The following AUTS2 variants were observed in gnomAD, a reference collection of about 807,000 sequenced individuals.
AUTS2 encodes autism susceptibility gene 2 protein.
Under a neutral mutation model 112.4 loss-of-function variants are expected in AUTS2, and 17 were observed. The observed-to-expected ratio is 0.15, with a 90% CI of 0.10 to 0.23. The LOEUF (loss-of-function observed/expected upper bound fraction) is 0.23, where lower values mean the gene tolerates loss of function less well. AUTS2 is among the 10% of genes least tolerant of loss of function. The probability of loss-of-function intolerance (pLI) is 1.00; values close to 1 mark genes in which losing one functional copy is unlikely to be tolerated. For missense variants in AUTS2, 1,510 were observed against 1,701.6 expected (o/e 0.89, Z 1.98); for synonymous variants, 751 against 702.7 (o/e 1.07, Z -1.09).
intron 6 of AUTS2, among the ~76,000 whole-genome samples, chr7:70,742,813 G>A (rs1236444078): frequency 6.6e-6 from 1 of 152,012 alleles, no homozygotes; most frequent in Non-Finnish European, 1.5e-5. Flanking sequence ...ATTTGATGAT[G>A]GCTTTAACTG....
At chr7:69,900,128 A>G (rs899862385) in intron 2 of AUTS2, among the ~76,000 whole-genome samples, 3 of 152,230 alleles carry the variant, frequency 2.0e-5, no homozygotes, top group Non-Finnish European at 4.4e-5. Context: ...ACAAGAAAGT[A>G]TGGCTCTTGG....
intron 5 of AUTS2, among the ~76,000 whole-genome samples, chr7:70,614,992 C>T (rs1180299544): frequency 1.1e-4 from 16 of 152,184 alleles, no homozygotes; most frequent in Admixed American, 1.0e-3. Context: ...ACAGCTTGGA[C>T]GGTGTGGCTC....
chr7:70,230,207 C>A (rs932522529), intron 4 of AUTS2, among the ~76,000 whole-genome samples: 4 of 152,084 alleles, frequency 2.6e-5, no homozygotes, highest in Non-Finnish European at 5.9e-5. Context: ...ATTTCCCCAT[C>A]TCTTCCCTCA....
chr7:70,670,594 G>A (rs973828394), intron 5 of AUTS2, among the ~76,000 whole-genome samples: 8 of 152,126 alleles, frequency 5.3e-5, no homozygotes, highest in African/African-American at 1.9e-4. Context: ...ACATTTAGTC[G>A]CTCCCTCGTG....
At chr7:70,053,543 G>GTTTTTTTTTTTTTTTTTTTTTTT in intron 2 of AUTS2, among the ~76,000 whole-genome samples, 1 of 101,020 alleles carries the variant, frequency 9.9e-6, no homozygotes, top group East Asian at 2.9e-4. Context: ...TGTTTTGGGT[G>GTTTTTTTTTTTTTTTTTTTTTTT]GTTTTTTTTT....
At chr7:70,712,467 A>G (rs939138741) in intron 6 of AUTS2, among the ~76,000 whole-genome samples, 2 of 152,114 alleles carry the variant, frequency 1.3e-5, no homozygotes, top group Non-Finnish European at 1.5e-5. Flanking sequence ...AATGGGTTAG[A>G]TGAAATTAAG....
intron 4 of AUTS2, among the ~76,000 whole-genome samples, chr7:70,247,170 G>T (rs1442433407): frequency 2.0e-5 from 3 of 152,046 alleles, no homozygotes; most frequent in African/African-American, 7.2e-5. Context: ...TTATACAATG[G>T]AATATTATTC....
intron 6 of AUTS2, among the ~76,000 whole-genome samples, chr7:70,744,960 C>G (rs972702125): frequency 1.3e-5 from 2 of 152,122 alleles, no homozygotes; most frequent in African/African-American, 4.8e-5. Flanking sequence ...CATCGCCCCT[C>G]CAGTTCCATT....
At chr7:70,001,031 G>C (rs1415136126) in intron 2 of AUTS2, among the ~76,000 whole-genome samples, 1 of 152,178 alleles carries the variant, frequency 6.6e-6, no homozygotes, top group Non-Finnish European at 1.5e-5. Flanking sequence ...TTAGATCCTA[G>C]AAGTCTTGTC....
chr7:70,524,838 A>G (rs1214424661), intron 5 of AUTS2, among the ~76,000 whole-genome samples: 3 of 152,222 alleles, frequency 2.0e-5, no homozygotes, highest in Non-Finnish European at 4.4e-5. Flanking sequence ...TTGCTCCTTG[A>G]GGCTTTCTCC....
chr7:70,781,400 G>T, intron 14 of AUTS2: 2 of 405,042 alleles, frequency 4.9e-6, no homozygotes, highest in Non-Finnish European at 8.7e-6. Flanking sequence ...CCAAACACTA[G>T]TGTTGTCACT....
At chr7:69,698,797 G>A (rs150263944) in intron 1 of AUTS2, among the ~76,000 whole-genome samples, 14 of 152,200 alleles carry the variant, frequency 9.2e-5, no homozygotes, top group African/African-American at 2.9e-4. Context: ...AATAAGTTTT[G>A]AACTTTTAAG....
At chr7:70,750,098 C>T (rs758882132) in intron 6 of AUTS2, among the ~76,000 whole-genome samples, 7 of 152,132 alleles carry the variant, frequency 4.6e-5, no homozygotes, top group Non-Finnish European at 7.4e-5. Flanking sequence ...GGTCCCTCCC[C>T]TGCAGAACAG....
At chr7:70,321,269 A>G (rs138887869) in intron 4 of AUTS2, among the ~76,000 whole-genome samples, 2 of 152,332 alleles carry the variant, frequency 1.3e-5, no homozygotes, top group African/African-American at 2.4e-5. Context: ...CCTCTAAGCA[A>G]TGGTGCTTTC....
intron 4 of AUTS2, among the ~76,000 whole-genome samples, chr7:70,349,242 C>T (rs543901614): frequency 1.3e-5 from 2 of 152,286 alleles, no homozygotes; most frequent in Admixed American, 6.5e-5. Flanking sequence ...GGGTGACGTG[C>T]GACTTAGAGC....
intron 4 of AUTS2, among the ~76,000 whole-genome samples, chr7:70,340,163 AACACACAC>A (rs71077652): frequency 1.1e-4 from 16 of 144,766 alleles, no homozygotes; most frequent in African/African-American, 4.1e-4. Flanking sequence ...TATGGAGAGA[AACACACAC>A]ACACACACAC....
chr7:70,662,917 G>A (rs1807143521), intron 5 of AUTS2, among the ~76,000 whole-genome samples: 1 of 152,132 alleles, frequency 6.6e-6, no homozygotes, highest in Admixed American at 6.5e-5. Context: ...ACCTAGTTGT[G>A]GAAGAAAAGA....
At chr7:70,779,722 A>AGAT (rs1790942175) in intron 14 of AUTS2, among the ~76,000 whole-genome samples, 1 of 152,180 alleles carries the variant, frequency 6.6e-6, no homozygotes, top group African/African-American at 2.4e-5. Context: ...TGAGAGCATC[A>AGAT]GATGAGTCCG....
chr7:70,483,993 A>G (rs1797888683), intron 5 of AUTS2, among the ~76,000 whole-genome samples: 1 of 152,180 alleles, frequency 6.6e-6, no homozygotes. Flanking sequence ...GAGGGGCAAA[A>G]GCTTGGGTAT....
Sources: gnomAD v4.1 joint callset for allele counts (sites outside exome capture counted in the v4.1 genomes callset) on GRCh38, gnomAD v4.1.1 for gene constraint, MANE v1.5 for transcripts, NCBI Gene and HGNC (gene_info 2026-07-23, HGNC 2026-07-21) for gene names.